Variants in VPS8 observed in about 807,000 individuals in gnomAD.
VPS8 encodes VPS8 subunit of CORVET complex.
In VPS8, 129 loss-of-function variants were observed where a neutral mutation model predicts 216.4. The ratio of observed to expected loss-of-function variants is 0.60; its 90% CI spans 0.52 to 0.69. The LOEUF (loss-of-function observed/expected upper bound fraction) is 0.69, where lower values mean the gene tolerates loss of function less well. VPS8 is among the 30% of genes least tolerant of loss of function. The probability of loss-of-function intolerance (pLI) is 0.00; values close to 1 mark genes in which losing one functional copy is unlikely to be tolerated. For synonymous variants in VPS8, 571 were observed against 565.4 expected, an observed-to-expected ratio of 1.01 and a Z score of -0.14; for missense variants, 1,531 against 1,683.5, an observed-to-expected ratio of 0.91 and a Z score of 1.59.
At chr3:185,037,748 G>A (rs1160334145) in intron 46 of VPS8, among the ~76,000 whole-genome samples, 1 of 152,100 alleles carries the variant, frequency 6.6e-6, no homozygotes, top group African/African-American at 2.4e-5. Flanking sequence ...TGTTAAGCCT[G>A]TCTTGTGAAT....
chr3:184,822,988 C>A (rs983995895), intron 1 of VPS8, among the ~76,000 whole-genome samples: 1 of 151,968 alleles, frequency 6.6e-6, no homozygotes, highest in Non-Finnish European at 1.5e-5. Flanking sequence ...GGTAATATAC[C>A]AAATAGTGTA....
intron 21 of VPS8, among the ~76,000 whole-genome samples, chr3:184,872,934 T>C (rs911144337): frequency 6.6e-6 from 1 of 152,060 alleles, no homozygotes; most frequent in African/African-American, 2.4e-5. Context: ...TCTATAAATA[T>C]GGAGAAAGGC....
intron 37 of VPS8, among the ~76,000 whole-genome samples, chr3:184,963,066 A>C (rs1469880405): frequency 2.0e-5 from 3 of 152,190 alleles, no homozygotes; most frequent in East Asian, 3.9e-4. Context: ...ACATATTTTA[A>C]TTAATACAGC....
At chr3:184,956,739 G>A (rs922797238) in intron 36 of VPS8, among the ~76,000 whole-genome samples, 1 of 152,104 alleles carries the variant, frequency 6.6e-6, no homozygotes, top group Admixed American at 6.5e-5. Context: ...TGTGAATAGC[G>A]GGCTATGTGA....
chr3:184,933,606 T>C (rs975530476), intron 34 of VPS8, among the ~76,000 whole-genome samples: 1 of 152,110 alleles, frequency 6.6e-6, no homozygotes, highest in Non-Finnish European at 1.5e-5. Context: ...TGCTTTCTTA[T>C]TTCTTTTTAA....
chr3:185,006,571 A>C (rs1235096598), intron 45 of VPS8, among the ~76,000 whole-genome samples: 1 of 152,238 alleles, frequency 6.6e-6, no homozygotes, highest in Non-Finnish European at 1.5e-5. Flanking sequence ...AGTTATAATA[A>C]AATTTAAAAT....
intron 42 of VPS8, among the ~76,000 whole-genome samples, chr3:184,991,227 G>A (rs547986493): frequency 6.6e-6 from 1 of 152,264 alleles, no homozygotes; most frequent in African/African-American, 2.4e-5. Flanking sequence ...ATCTTTTCTA[G>A]TGTGTGTCTT....
At chr3:184,897,217 GC>G (rs1694641152) in intron 23 of VPS8, among the ~76,000 whole-genome samples, 1 of 152,170 alleles carries the variant, frequency 6.6e-6, no homozygotes, top group Admixed American at 6.5e-5. Context: ...TAGGAAGCTG[GC>G]CCAGGAGGTG....
rs531947279 is a variant in VPS8 at position 184,857,601 on chromosome 3, C to T, written c.1143+1783C>T. On this transcript the variant is annotated intron_variant, in intron 14 of 47. Transcript: ENST00000625842. ...GAGAAAAACCTTTAATGTTTCTCCT[C>T]CCTTCTGTGTGTATTCTTTTTGCTA... Among the ~76,000 whole-genome samples, 143 of 152,296 alleles carry T rather than the reference C, an allele frequency of 9.4e-4. 1 individual carries two copies. Among genetic ancestry groups the T allele is most frequent in the Non-Finnish European group, 1.7e-3 (116 of 68,030 alleles).
At chr3:184,970,875 G>C (rs1748291655) in intron 39 of VPS8, among the ~76,000 whole-genome samples, 2 of 152,098 alleles carry the variant, frequency 1.3e-5, no homozygotes, top group Admixed American at 1.3e-4. Context: ...GCTCCACCAG[G>C]GTAAAAGTTG....
chr3:185,039,489 A>G (rs1759349198), intron 46 of VPS8, among the ~76,000 whole-genome samples: 1 of 151,684 alleles, frequency 6.6e-6, no homozygotes, highest in Non-Finnish European at 1.5e-5. Context: ...GGGCATTGCT[A>G]GCCTGATACG....
intron 21 of VPS8, among the ~76,000 whole-genome samples, chr3:184,878,553 A>G (rs956834971): frequency 2.6e-5 from 4 of 152,202 alleles, no homozygotes; most frequent in African/African-American, 9.6e-5. Context: ...GTAATGTCAA[A>G]GAGTGGACAG....
rs746705488 is a variant in VPS8 at position 184,971,665 on chromosome 3, C to T, written c.3333C>T (p.Pro1111=). 1 of 1,612,374 alleles carries T rather than the reference C, an allele frequency of 6.2e-7. No homozygotes were observed. The highest frequency in any genetic ancestry group is 1.3e-5 in the African/African-American group (1 of 75,006). The part of the protein sequence containing the change: ...THQGENTKED[P]SLKDVEDTMV... ...TAAATCTAGATACCAAAGAGGATCC[C>T]TCATTGAAGGATGTTGAAGATACTA... is the stretch of plus-strand genomic sequence containing the variant. The change falls in exon 40 of 48, where the codon CCC becomes CCT. Residue 1111 remains proline, a synonymous_variant. Transcript: ENST00000625842.
In VPS8 at chr3:184,894,910, C is replaced by T. The variant is rs1019576159; in HGVS notation, c.1989C>T (p.Ser663=). 3 of 1,604,522 alleles carry T rather than the reference C, an allele frequency of 1.9e-6. No individual in the cohort carries two copies. In the African/African-American group the frequency reaches 4.0e-5, roughly 21 times the overall value. The part of the protein sequence containing the change: ...EALIVHMDIT[S]LDIQQVVLMC... ...TCATTGTACATATGGATATCACCAG[C>T]CTAGATATTCAGCAGGTGAGTTTAT... Residue 663 remains serine (S), a synonymous_variant, in exon 23 of 48, where the codon AGC becomes AGT. Transcript: ENST00000625842.
Position 185,052,375 on chromosome 3 carries a change from G to T in VPS8, c.*350G>T. On this transcript the variant is annotated 3_prime_UTR_variant, in exon 48 of 48. Transcript: ENST00000625842. ...AAAGTAGGTGGAACTCACACAAATG[G>T]CATTCCAGAGTCTGCCATACTCCGT... The T allele has an allele frequency of 5.3e-6, 1 of 190,452 alleles. No individual in the cohort carries two copies. The highest frequency in any genetic ancestry group is 1.1e-5 in the Non-Finnish European group (1 of 92,884). The allele number at this position is 190,452 out of a possible 1,614,324, so 11.8% of individuals were successfully genotyped here. A position where few individuals can be genotyped will look rare whatever the true frequency, so the allele number is the denominator to read the frequency against.
intron 8 of VPS8, among the ~76,000 whole-genome samples, chr3:184,846,101 T>C (rs1444196819): frequency 6.6e-6 from 1 of 152,234 alleles, no homozygotes; most frequent in African/African-American, 2.4e-5. Context: ...AGACATACTG[T>C]AGTTGTAAGG....
intron 28 of VPS8, among the ~76,000 whole-genome samples, 194 bp downstream of exon 28, chr3:184,915,668 G>T (rs1737426538): frequency 6.6e-6 from 1 of 152,160 alleles, no homozygotes; most frequent in Non-Finnish European, 1.5e-5. Flanking sequence ...ACTTAGCCAG[G>T]CATGGTGGCA....
chr3:185,049,261 G>C (rs1713648848), intron 47 of VPS8, among the ~76,000 whole-genome samples: 1 of 152,194 alleles, frequency 6.6e-6, no homozygotes, highest in Non-Finnish European at 1.5e-5. Flanking sequence ...GCTTCTATCA[G>C]TCACTGCCAC....
intron 7 of VPS8, 118 bp downstream of exon 7, chr3:184,839,870 T>C: frequency 2.8e-6 from 4 of 1,439,520 alleles, no homozygotes; most frequent in Non-Finnish European, 2.7e-6. Context: ...CCAGAAAAAC[T>C]TGAAAAGTAG....
Sources: allele counts gnomAD v4.1 joint callset (sites outside exome capture counted in the v4.1 genomes callset), GRCh38; gene constraint gnomAD v4.1.1; transcripts MANE v1.5; gene names NCBI Gene and HGNC (gene_info 2026-07-23, HGNC 2026-07-21).